The following C12orf56 variants were observed in gnomAD, a reference collection of about 807,000 sequenced individuals.
The protein encoded by C12orf56 is uncharacterized protein C12orf56.
Under a neutral mutation model 69.9 loss-of-function variants are expected in C12orf56, and 71 were observed. The ratio of observed to expected loss-of-function variants is 1.02; its 90% CI spans 0.84 to 1.24. C12orf56 has a LOEUF of 1.24. Among genes scored for constraint, C12orf56 ranks in the 50% most tolerant of loss-of-function variants. The pLI, the probability that C12orf56 is intolerant of heterozygous loss-of-function variation, is 0.00. For missense variants in C12orf56, 732 were observed against 738.5 expected (o/e 0.99, Z 0.10); for synonymous variants, 276 against 274.1 (o/e 1.01, Z -0.07).
chr12:64,275,227 C>T, intron 10 of C12orf56, 71 bp downstream of exon 10: 1 of 704,280 alleles, frequency 1.4e-6, no homozygotes, highest in Non-Finnish European at 2.2e-6. Context: ...ATACATATAT[C>T]ATAATATATA....
intron 1 of C12orf56, among the ~76,000 whole-genome samples, chr12:64,363,114 G>A (rs1036358618): frequency 2.0e-5 from 3 of 152,026 alleles, no homozygotes; most frequent in African/African-American, 7.2e-5. Context: ...CCAGTAGGTC[G>A]CAGCCTCATT....
intron 5 of C12orf56, among the ~76,000 whole-genome samples, chr12:64,306,795 A>G (rs1398159350): frequency 6.6e-6 from 1 of 152,148 alleles, no homozygotes; most frequent in Non-Finnish European, 1.5e-5. Context: ...ATATTATCTC[A>G]AAAGCACTGT....
intron 2 of C12orf56, among the ~76,000 whole-genome samples, chr12:64,342,515 G>T (rs559713851): frequency 6.6e-6 from 1 of 152,204 alleles, no homozygotes; most frequent in Non-Finnish European, 1.5e-5. Context: ...GGGAGAGAAG[G>T]CAGGGTGGCA....
chr12:64,304,289 A>G lies in C12orf56; in HGVS notation c.969-510T>C, dbSNP rs139546066. Among the ~76,000 whole-genome samples the G allele has an allele frequency of 3.3e-5, 5 of 152,266 alleles. No homozygotes were observed. In the East Asian group the frequency reaches 7.7e-4, roughly 24 times the overall value. On this transcript the variant is annotated intron_variant, in intron 5 of 12. Transcript: ENST00000543942. ...GCAGATGAGCATGTGTTCAAGAACT[A>G]TCACTAGTGGCCCCAAGCTGAGAGG...
At chr12:64,284,296 A>G (rs1367977736) in intron 8 of C12orf56, among the ~76,000 whole-genome samples, 1 of 152,214 alleles carries the variant, frequency 6.6e-6, no homozygotes. Context: ...TGAGGCTACT[A>G]TAACACCTGA....
At chr12:64,301,173 C>T (rs981290770) in intron 6 of C12orf56, among the ~76,000 whole-genome samples, 2 of 152,068 alleles carry the variant, frequency 1.3e-5, no homozygotes, top group Non-Finnish European at 2.9e-5. Context: ...ACAGACAGGC[C>T]TCCATAACAA....
intron 8 of C12orf56, among the ~76,000 whole-genome samples, chr12:64,280,148 G>A (rs1351954309): frequency 3.3e-5 from 5 of 151,944 alleles, no homozygotes; most frequent in African/African-American, 7.3e-5. Context: ...ATGATTAACC[G>A]CTTTTTTATT....
chr12:64,333,289 C>T (rs189229487), intron 2 of C12orf56, among the ~76,000 whole-genome samples: 10 of 152,146 alleles, frequency 6.6e-5, no homozygotes, highest in East Asian at 5.8e-4. Flanking sequence ...ACGAGATTAC[C>T]GAGGCTTATT....
In C12orf56 at chr12:64,277,749, T is replaced by G. The variant is rs775642388; in HGVS notation, c.1365A>C (p.Lys455Asn). The G allele has an allele frequency of 6.2e-7, 1 of 1,601,480 alleles. No homozygotes were observed. Among genetic ancestry groups the G allele is most frequent in the Non-Finnish European group, 8.5e-7 (1 of 1,172,734 alleles). ...VILISEPQIP[K>N]SCPVFDIQLV... Reference sequence around the variant, plus strand: ...ACTGGATATCAAACACAGGACAAGATTTTGGAATCTGAGGCTCACTAATTA... The same window carrying G: ...ACTGGATATCAAACACAGGACAAGAGTTTGGAATCTGAGGCTCACTAATTA... The change falls in exon 9 of 13, where the codon AAA becomes AAC. Residue 455 changes from lysine to asparagine, a missense_variant. Lys to Asn is a moderately conservative substitution (Grantham distance 94). Coordinates refer to ENST00000543942, the MANE Select transcript of C12orf56 (RefSeq NM_001170633.2).
At chr12:64,349,683 ACCT>A (rs1225011747) in intron 2 of C12orf56, among the ~76,000 whole-genome samples, 3 of 152,224 alleles carry the variant, frequency 2.0e-5, no homozygotes, top group Non-Finnish European at 4.4e-5. Context: ...ATTCACAGTG[ACCT>A]GGATGAGATT....
chr12:64,303,874 T>C, intron 5 of C12orf56, 95 bp from the exon 6 acceptor site: 1 of 1,332,684 alleles, frequency 7.5e-7, no homozygotes, highest in Middle Eastern at 2.5e-4. Flanking sequence ...TTAAACTTTG[T>C]TACTAATGGG....
intron 1 of C12orf56, among the ~76,000 whole-genome samples, chr12:64,354,364 C>T (rs995229814): frequency 2.8e-4 from 42 of 152,272 alleles, no homozygotes; most frequent in African/African-American, 1.0e-3. Context: ...CACTGGAGCC[C>T]AGGAGTTGAG....
At chr12:64,309,096 C>A (rs985608799) in intron 5 of C12orf56, among the ~76,000 whole-genome samples, 1 of 152,148 alleles carries the variant, frequency 6.6e-6, no homozygotes, top group Non-Finnish European at 1.5e-5. Flanking sequence ...CACATACAAA[C>A]ACACATATAT....
chr12:64,326,327 T>TA (rs1266158664), intron 3 of C12orf56, among the ~76,000 whole-genome samples: 2 of 152,206 alleles, frequency 1.3e-5, no homozygotes, highest in Non-Finnish European at 1.5e-5. Flanking sequence ...GTAAAGCTGT[T>TA]ACAACAAAAT....
chr12:64,353,265 C>A (rs1449159187), intron 1 of C12orf56, among the ~76,000 whole-genome samples: 2 of 152,062 alleles, frequency 1.3e-5, no homozygotes, highest in Non-Finnish European at 2.9e-5. Context: ...TCGAGTGATT[C>A]TCCTGCCTCA....
chr12:64,305,269 C>G (rs973335006), intron 5 of C12orf56, among the ~76,000 whole-genome samples: 12 of 152,170 alleles, frequency 7.9e-5, no homozygotes, highest in African/African-American at 2.9e-4. Context: ...TCTACCCCTA[C>G]TCAGTTAGGT....
intron 6 of C12orf56, among the ~76,000 whole-genome samples, chr12:64,287,261 A>AAAGAAGAAGAAGAAGAAGAAG (rs1170967895): frequency 3.0e-5 from 2 of 67,592 alleles, no homozygotes; most frequent in South Asian, 6.5e-4. Flanking sequence ...AAAAAAAAAA[A>AAAGAAGAAGAAGAAGAAGAAG]AAGAAGAAGA....
intron 4 of C12orf56, among the ~76,000 whole-genome samples, chr12:64,314,432 A>G (rs1012446770): frequency 2.6e-5 from 4 of 152,178 alleles, no homozygotes; most frequent in Non-Finnish European, 5.9e-5. Flanking sequence ...ATTCCATAGC[A>G]TAGATACACA....
At chr12:64,364,457 G>A (rs2039438829) in intron 1 of C12orf56, among the ~76,000 whole-genome samples, 1 of 152,064 alleles carries the variant, frequency 6.6e-6, no homozygotes, top group Non-Finnish European at 1.5e-5. Context: ...GGCATTGGGG[G>A]TGCTGGCGTC....
Sources: allele counts gnomAD v4.1 joint callset (sites outside exome capture counted in the v4.1 genomes callset), GRCh38; gene constraint gnomAD v4.1.1; transcripts MANE v1.5; gene names NCBI Gene and HGNC (gene_info 2026-07-23, HGNC 2026-07-21).